The following CLECL1 variants were observed in gnomAD, a reference collection of about 807,000 sequenced individuals.
CLECL1 encodes C-type lectin-like domain family 1.
At chr12:9,733,333 C>T, upstream of CLECL1, 1 of 1,056,056 alleles carries the variant, frequency 9.5e-7, no homozygotes, top group East Asian at 2.4e-5. Flanking sequence ...TTATTAATAC[C>T]ACAGAAGATA....
downstream of CLECL1, chr12:9,718,687 A>T: frequency 1.4e-6 from 1 of 699,276 alleles, no homozygotes; most frequent in Non-Finnish European, 2.6e-6. Context: ...TAATGTCCTT[A>T]CAAGAAGAAA....
At chr12:9,711,512 TAA>T (rs141838777), downstream of CLECL1, among the ~76,000 whole-genome samples, 32,222 of 150,716 alleles carry the variant, frequency 0.21, 4,512 homozygotes, top group African/African-American at 0.4. Context: ...GTAAGTTATT[TAA>T]AAAAAAAAAA....
At chr12:9,729,484 A>C (rs1039683694) in intron 2 of CLECL1, among the ~76,000 whole-genome samples, 16 of 152,172 alleles carry the variant, frequency 1.1e-4, no homozygotes, top group Non-Finnish European at 2.4e-4. Flanking sequence ...CTTTTTGTGA[A>C]GTTGTACCAT....
downstream of CLECL1, among the ~76,000 whole-genome samples, chr12:9,715,151 A>C (rs900797170): frequency 3.3e-5 from 5 of 152,174 alleles, no homozygotes; most frequent in African/African-American, 1.2e-4. Flanking sequence ...AGCCTAAATG[A>C]ATGACACAAG....
At chr12:9,721,599 G>A (rs1866313207), downstream of CLECL1, among the ~76,000 whole-genome samples, 1 of 152,150 alleles carries the variant, frequency 6.6e-6, no homozygotes, top group African/African-American at 2.4e-5. Context: ...TTTTCCCTTT[G>A]ACTGTGAGCA....
Position 9,724,191 on chromosome 12 carries a change from AAAAAAAG to A in CLECL1, n.263-1385_263-1379del, listed in dbSNP as rs200125997. ...GTGACAAAGCAACTCCATGAAAAAA[AAAAAAAG>A]AAAAAGAAAAAGAAAAAAAAAGAAA... On this transcript the variant is annotated intron_variant and non_coding_transcript_variant, in intron 3 of 3. Coordinates refer to ENST00000621400, the Ensembl canonical transcript of CLECL1. 4.7e-3 allele frequency among the ~76,000 whole-genome samples: 711 copies of A among 151,936 alleles called. 21 individuals carry two copies. The East Asian group carries it at 0.091, about 19-fold the overall frequency.
chr12:9,721,352 A>G (rs1231421877), downstream of CLECL1, among the ~76,000 whole-genome samples: 2 of 151,310 alleles, frequency 1.3e-5, no homozygotes, highest in African/African-American at 2.4e-5. Flanking sequence ...TTTTTGGGAG[A>G]TGTTTAGAAA....
intron 1 of CLECL1, among the ~76,000 whole-genome samples, chr12:9,730,700 T>C (rs116012266): frequency 0.011 from 1,650 of 151,312 alleles, 28 homozygotes; most frequent in African/African-American, 0.034. Context: ...TTTCTTTTCT[T>C]TTTTTTTTGG....
intron 2 of CLECL1, chr12:9,716,826 T>C (rs1591714730): frequency 3.6e-6 from 4 of 1,102,894 alleles, no homozygotes; most frequent in Non-Finnish European, 3.6e-6. Flanking sequence ...CCCAAAACAT[T>C]TGAGGCAAAA....
downstream of CLECL1, chr12:9,718,793 T>A: frequency 1.4e-6 from 1 of 699,448 alleles, no homozygotes; most frequent in Non-Finnish European, 2.6e-6. Flanking sequence ...CAAGGAGAGA[T>A]GCCTCAGAAG....
chr12:9,719,475 G>A (rs763234911), downstream of CLECL1, among the ~76,000 whole-genome samples: 57 of 152,322 alleles, frequency 3.7e-4, 3 homozygotes, highest in South Asian at 7.2e-3. Flanking sequence ...GCAGTGAGCC[G>A]AGATTGCATC....
chr12:9,733,660 T>C (rs1183923517), upstream of CLECL1, among the ~76,000 whole-genome samples: 2 of 152,162 alleles, frequency 1.3e-5, no homozygotes. Context: ...CTAAAAAATA[T>C]ATATTTAAGA....
chr12:9,718,694 G>GA, downstream of CLECL1: 1 of 699,260 alleles, frequency 1.4e-6, no homozygotes, highest in Non-Finnish European at 2.6e-6. Flanking sequence ...CTTACAAGAA[G>GA]AAATTTGGAT....
chr12:9,708,039 G>T, the CLECL1 span, among the ~76,000 whole-genome samples: 1 of 152,172 alleles, frequency 6.6e-6, no homozygotes. Flanking sequence ...GGGTGCCTGG[G>T]TGTGCCCACA....
intron 2 of CLECL1, among the ~76,000 whole-genome samples, chr12:9,729,263 G>A (rs1866416936): frequency 1.3e-5 from 2 of 152,084 alleles, no homozygotes; most frequent in Non-Finnish European, 2.9e-5. Context: ...AATTTAATTT[G>A]CTTCCTTCTG....
At chr12:9,712,220 G>A (rs997799044), downstream of CLECL1, among the ~76,000 whole-genome samples, 6 of 152,140 alleles carry the variant, frequency 3.9e-5, no homozygotes, top group Non-Finnish European at 8.8e-5. Context: ...CAGTGTCCTT[G>A]TACTTGTCTC....
chr12:9,726,791 A>T (rs1179815327), intron 3 of CLECL1, among the ~76,000 whole-genome samples: 1 of 151,918 alleles, frequency 6.6e-6, no homozygotes, highest in Admixed American at 6.6e-5. Context: ...TGTCACAGGT[A>T]TAAGGATTAC....
chr12:9,723,190 G>C (rs1258256333), intron 3 of CLECL1, among the ~76,000 whole-genome samples: 1 of 152,280 alleles, frequency 6.6e-6, no homozygotes, highest in East Asian at 1.9e-4. Context: ...CATCAGAAAT[G>C]TTGGGAGTTT....
chr12:9,728,465 T>C (rs1272063959), intron 2 of CLECL1, among the ~76,000 whole-genome samples: 1 of 151,854 alleles, frequency 6.6e-6, no homozygotes, highest in Admixed American at 6.6e-5. Context: ...AATGCAAGAA[T>C]TTTATTAGTG....
Sources: gnomAD v4.1 joint callset for allele counts (sites outside exome capture counted in the v4.1 genomes callset) on GRCh38, gnomAD v4.1.1 for gene constraint, MANE v1.5 for transcripts, NCBI Gene and HGNC (gene_info 2026-07-23, HGNC 2026-07-21) for gene names.